The following MPRIP variants were observed in gnomAD, a reference collection of about 807,000 sequenced individuals.
MPRIP encodes myosin phosphatase Rho-interacting protein.
A neutral mutation model predicts 234.9 loss-of-function variants in MPRIP; 59 were observed. The ratio of observed to expected loss-of-function variants is 0.25; its 90% CI spans 0.20 to 0.31. The LOEUF is 0.31. Among genes scored for constraint, MPRIP ranks in the 10% least tolerant of loss-of-function variants. The pLI, the probability that MPRIP is intolerant of heterozygous loss-of-function variation, is 1.00. For synonymous variants in MPRIP, 1,144 were observed against 1,263.9 expected (o/e 0.91, Z 2.01); for missense variants, 2,436 against 3,071.0 (o/e 0.79, Z 4.89).
chr17:17,136,589 G>A lies in MPRIP; in HGVS notation c.736+139G>A, dbSNP rs2090705621. ...ATTCCCTTTGTCCATCAGCCCTGGG[G>A]GTAGCACCTGGCCTGGTATGTTCTG... On this transcript the variant is annotated intron_variant, in intron 6 of 23. Transcript: ENST00000651222. 11 of 801,712 alleles carry A rather than the reference G, an allele frequency of 1.4e-5. No homozygotes were observed. In the South Asian group the frequency reaches 1.8e-4, roughly 13 times the overall value. The allele number at this position is 801,712 out of a possible 1,614,324, so 49.7% of individuals were successfully genotyped here. A position where few individuals can be genotyped will look rare whatever the true frequency, so the allele number is the denominator to read the frequency against.
intron 1 of MPRIP, among the ~76,000 whole-genome samples, chr17:17,047,124 T>G (rs371256930): frequency 9.1e-4 from 138 of 152,292 alleles, no homozygotes; most frequent in African/African-American, 3.2e-3. Flanking sequence ...GAGGTTGCAT[T>G]GAGCCAAGAT....
intron 1 of MPRIP, among the ~76,000 whole-genome samples, chr17:17,057,265 C>A (rs2088728279): frequency 6.6e-6 from 1 of 152,244 alleles, no homozygotes; most frequent in South Asian, 2.1e-4. Context: ...GACCATCCCT[C>A]AAGAGTCGCA....
chr17:17,158,445 GA>G lies in MPRIP; in HGVS notation c.1850del (p.Asn617ThrfsTer126). 6.4e-7 allele frequency: 1 copy of G among 1,570,366 alleles called. No homozygotes were observed. Among genetic ancestry groups the G allele is most frequent in the Non-Finnish European group, 8.6e-7 (1 of 1,158,196 alleles). On this transcript the variant is annotated frameshift_variant, in exon 14 of 24. Transcript: ENST00000651222. LOFTEE classifies it high-confidence loss of function. ...CCTGCCCCACAGCTCGTTGCCAGAGGAAAAAAACAAGAGCAGCTGCTCTTTT... is the reference window on the plus strand; with the variant it reads ...CCTGCCCCACAGCTCGTTGCCAGAGGAAAAAACAAGAGCAGCTGCTCTTTT... ...APDVTSSLPE[E>X]KNKSSCSFET...
intron 1 of MPRIP, among the ~76,000 whole-genome samples, chr17:17,065,813 A>C (rs781175973): frequency 6.6e-6 from 1 of 152,112 alleles, no homozygotes; most frequent in Non-Finnish European, 1.5e-5. Flanking sequence ...TCTTATTTAG[A>C]TCTTCTTTGA....
rs1272744680 is a variant in MPRIP, at chr17:17,143,678, A to G, written c.1503+9A>G. ...CGGAGCCCTCCGTGACGGTGAGCCC[A>G]GGCGCCGCGTCCTCCGGAGGCCGTG... is the stretch of plus-strand genomic sequence containing the variant. On this transcript the variant is annotated intron_variant, in intron 9 of 23. Transcript: ENST00000651222. The G allele has an allele frequency of 1.3e-6, 2 of 1,570,232 alleles. No homozygotes were observed. The highest frequency in any genetic ancestry group is 2.3e-5 in the East Asian group (1 of 43,072).
intron 12 of MPRIP, among the ~76,000 whole-genome samples, chr17:17,152,809 CAAGA>C (rs1199550686): frequency 1.3e-5 from 2 of 152,106 alleles, no homozygotes; most frequent in African/African-American, 4.8e-5. Flanking sequence ...TAAAGCTGGG[CAAGA>C]AAGGAAGGAG....
chr17:17,117,930 G>A (rs2090317403), intron 3 of MPRIP, among the ~76,000 whole-genome samples: 1 of 152,240 alleles, frequency 6.6e-6, no homozygotes, highest in Non-Finnish European at 1.5e-5. Context: ...GACTCCAAGG[G>A]TAGGCTCTTC....
chr17:17,142,793 CAG>C (rs767554583), intron 8 of MPRIP, 28 bp downstream of exon 8: 210 of 1,607,986 alleles, frequency 1.3e-4, no homozygotes, highest in Middle Eastern at 3.6e-4. Flanking sequence ...GGCAGCACCT[CAG>C]GGGTGGCTCG....
chr17:17,067,518 A>C (rs9899423), intron 1 of MPRIP, among the ~76,000 whole-genome samples: 1 of 152,220 alleles, frequency 6.6e-6, no homozygotes, highest in Non-Finnish European at 1.5e-5. Context: ...ACTACTCAGA[A>C]TGGCATGCAG....
chr17:17,174,946 C>T (rs1358044038), intron 19 of MPRIP, among the ~76,000 whole-genome samples: 1 of 152,238 alleles, frequency 6.6e-6, no homozygotes, highest in Non-Finnish European at 1.5e-5. Flanking sequence ...CCCTGCCCTG[C>T]ACAAACACCC....
chr17:17,157,777 G>A (rs570869014), intron 13 of MPRIP, among the ~76,000 whole-genome samples: 9 of 151,260 alleles, frequency 6.0e-5, no homozygotes, highest in African/African-American at 1.9e-4. Flanking sequence ...GTGGTGAGCC[G>A]AGATCGCGCC....
intron 1 of MPRIP, among the ~76,000 whole-genome samples, chr17:17,074,504 A>G (rs973851986): frequency 1.3e-5 from 2 of 152,218 alleles, no homozygotes; most frequent in African/African-American, 4.8e-5. Flanking sequence ...ACATATCTTA[A>G]GATTCACTCT....
intron 3 of MPRIP, among the ~76,000 whole-genome samples, chr17:17,095,300 A>C (rs913637735): frequency 6.6e-6 from 1 of 152,038 alleles, no homozygotes; most frequent in African/African-American, 2.4e-5. Flanking sequence ...CTTCAGAAGG[A>C]GGCTGTGTGT....
intron 1 of MPRIP, among the ~76,000 whole-genome samples, chr17:17,050,270 G>GC (rs1402112259): frequency 1.0e-4 from 14 of 140,536 alleles, no homozygotes; most frequent in African/African-American, 3.7e-4. Context: ...AGCTGAGATT[G>GC]CGCCACTGCA....
chr17:17,116,325 C>A (rs562414675), intron 3 of MPRIP, among the ~76,000 whole-genome samples: 26 of 152,320 alleles, frequency 1.7e-4, no homozygotes, highest in African/African-American at 5.3e-4. Context: ...GCCTCTCCGG[C>A]AGGACAGTGA....
Position 17,158,635 on chromosome 17 carries a change from T to C in MPRIP, c.2033T>C (p.Val678Ala), listed in dbSNP as rs1251975161. Residue 678 changes from valine to alanine, a missense_variant, in exon 14 of 24, where the codon GTG (valine) becomes GCG (alanine). Physicochemically the swap from Val to Ala is moderately conservative, Grantham distance 64. This residue lies in a region of MPRIP where 1,998 missense variants were observed against 2,520.3 expected (regional missense o/e 0.79). Transcript: ENST00000651222. Reference sequence around the variant, plus strand: ...CAGCAGGCCCTGGCTCAGGAGCGGGTGGGCGGCGTGGGGCCTGCTGACACC... The same window carrying C: ...CAGCAGGCCCTGGCTCAGGAGCGGGCGGGCGGCGTGGGGCCTGCTGACACC... ...PIQQALAQER[V>A]GGVGPADTHE... 7.5e-6 allele frequency: 12 copies of C among 1,600,606 alleles called. No individual in the cohort carries two copies. The highest frequency in any genetic ancestry group is 1.0e-5 in the Non-Finnish European group (12 of 1,174,232).
chr17:17,167,631 G>A lies in MPRIP; in HGVS notation c.6040G>A (p.Glu2014Lys), dbSNP rs982061816. Residue 2014 changes from glutamate to lysine, a missense_variant, in exon 16 of 24, where the codon GAG becomes AAG. Physicochemically the swap from Glu to Lys is moderately conservative, Grantham distance 56. Transcript: ENST00000651222. This position sits in a 1 kb window ranked among gnomAD's most constrained non-coding sequence, Gnocchi z 5.9. ...LKVRELQTIH[E>K]EELRTLQEHY... Reference sequence around the variant, plus strand: ...GGTCCGGGAGCTGCAGACGATCCACGAGGAGGAGCTGAGGACCCTGCAGGA... The same window carrying A: ...GGTCCGGGAGCTGCAGACGATCCACAAGGAGGAGCTGAGGACCCTGCAGGA... 1.5e-5 allele frequency: 19 copies of A among 1,304,254 alleles called. No individual in the cohort carries two copies. Among genetic ancestry groups the A allele is most frequent in the Middle Eastern group, 2.1e-4 (1 of 4,696 alleles). The allele number at this position is 1,304,254 out of a possible 1,614,324, so 80.8% of individuals were successfully genotyped here.
rs185761148 is a variant in MPRIP, at chr17:17,161,667, T to G, written c.2517+311T>G. 2.8e-4 allele frequency among the ~76,000 whole-genome samples: 42 copies of G among 152,346 alleles called. 1 individual carries two copies. Among genetic ancestry groups the G allele is most frequent in the Admixed American group, 2.6e-3 (40 of 15,308 alleles). On this transcript the variant is annotated intron_variant, in intron 15 of 23. Coordinates refer to ENST00000651222, the MANE Select transcript of MPRIP (RefSeq NM_001364716.4). ...CTGAAAGTAGCCAATATACATTTAT[T>G]GTAAATACCATACATTTGCATGTGA...
chr17:17,138,308 A>C lies in MPRIP; in HGVS notation c.1129A>C (p.Lys377Gln). Residue 377 changes from lysine to glutamine, a missense_variant, in exon 7 of 24, where the codon AAG becomes CAG. Physicochemically the swap from Lys to Gln is moderately conservative, Grantham distance 53. Coordinates refer to ENST00000651222, the MANE Select transcript of MPRIP (RefSeq NM_001364716.4). This position sits in a 1 kb window ranked among gnomAD's most constrained non-coding sequence, Gnocchi z 5.8. ...RQYATLADVPKAIRISHREAF... is the reference protein window; with the variant it reads ...RQYATLADVPQAIRISHREAF... Reference sequence around the variant, plus strand: ...ATATGCCACCCTGGCCGACGTCCCTAAGGCCATCAGGATCAGCCACCGAGA... The same window carrying C: ...ATATGCCACCCTGGCCGACGTCCCTCAGGCCATCAGGATCAGCCACCGAGA... 1 of 414,768 alleles carries C rather than the reference A, an allele frequency of 2.4e-6. No individual in the cohort carries two copies. The highest frequency in any genetic ancestry group is 4.3e-6 in the Non-Finnish European group (1 of 233,970). 25.7% of individuals were successfully genotyped at this position (414,768 alleles called of 1,614,324 possible).
Sources: allele counts gnomAD v4.1 joint callset (sites outside exome capture counted in the v4.1 genomes callset), GRCh38; gene constraint gnomAD v4.1.1; regional missense constraint gnomAD v4.1.1; non-coding constraint Gnocchi (gnomAD v3.1); transcripts MANE v1.5; gene names NCBI Gene and HGNC (gene_info 2026-07-23, HGNC 2026-07-21).